Variants in AKAP9 observed in about 807,000 individuals in gnomAD.
AKAP9 encodes A-kinase anchoring protein 9.
Under a neutral mutation model 488.5 loss-of-function variants are expected in AKAP9, and 311 were observed. The ratio of observed to expected loss-of-function variants is 0.64; its 90% CI spans 0.58 to 0.70. The LOEUF is 0.70. Among genes scored for constraint, AKAP9 ranks in the 30% least tolerant of loss-of-function variants. The pLI, the probability that AKAP9 is intolerant of heterozygous loss-of-function variation, is 0.00. For missense variants in AKAP9, 4,215 were observed against 4,374.5 expected (o/e 0.96, Z 1.03); for synonymous variants, 1,462 against 1,483.5 (o/e 0.99, Z 0.33).
In AKAP9 at chr7:92,080,012, G is replaced by C; in HGVS notation, c.7879G>C (p.Glu2627Gln). The C allele has an allele frequency of 6.4e-7, 1 of 1,560,346 alleles. No homozygotes were observed. The highest frequency in any genetic ancestry group is 8.6e-7 in the Non-Finnish European group (1 of 1,162,634). The change falls in exon 31 of 50, where the codon GAA becomes CAA. Residue 2627 changes from glutamate to glutamine, a missense_variant. Coordinates refer to ENST00000356239, the MANE Select transcript of AKAP9 (RefSeq NM_005751.5). The stretch of plus-strand genomic sequence containing the variant: ...GCATACTAGTTTGATTTTAGAAAAA[G>C]AACAAGTAGAAATTGCAGAAAAAAA... ...EMHTSLILEK[E>Q]QVEIAEKNVL...
At chr7:92,040,985 T>G in intron 18 of AKAP9, 87 bp downstream of exon 18, 1 of 1,150,492 alleles carries the variant, frequency 8.7e-7, no homozygotes. Context: ...AAAACAACAG[T>G]ATTTTTTATG....
intron 18 of AKAP9, chr7:92,041,842 A>AGTC: frequency 2.0e-6 from 1 of 496,230 alleles, no homozygotes; most frequent in Non-Finnish European, 3.5e-6. Context: ...AAATTCCTGA[A>AGTC]TATATAGACT....
At position 92,053,585 on chromosome 7, in the gene AKAP9, G is replaced by A. The variant is rs185977839; in HGVS notation, c.5601+627G>A. ...TAGCAGCTGTCTGCTTATGTGACCA[G>A]GTAGTGAAGTATAGTAGGAGTCTGA... On this transcript the variant is annotated intron_variant, in intron 22 of 49. Transcript: ENST00000356239. Among the ~76,000 whole-genome samples the A allele has an allele frequency of 1.3e-3, 193 of 152,272 alleles. 2 individuals are homozygous for A. The South Asian group carries it at 0.031, about 25-fold the overall frequency.
intron 1 of AKAP9, among the ~76,000 whole-genome samples, chr7:91,944,773 A>C (rs1201799201): frequency 6.6e-6 from 1 of 152,260 alleles, no homozygotes; most frequent in Admixed American, 6.5e-5. Context: ...TATCCAGAAC[A>C]GGAAAATGAG....
Position 92,079,117 on chromosome 7 carries a change from A to G in AKAP9, c.6984A>G (p.Glu2328=). The G allele has an allele frequency of 6.2e-7, 1 of 1,612,718 alleles. No individual in the cohort carries two copies. The highest frequency in any genetic ancestry group is 8.5e-7 in the Non-Finnish European group (1 of 1,179,504). The change falls in exon 31 of 50, where the codon GAA becomes GAG. Residue 2328 remains glutamate, a synonymous_variant. Transcript: ENST00000356239. ...EEKNELIRDL[E]TQIECLMSDQ... ...AAAATGAACTGATAAGGGATCTTGA[A>G]ACCCAAATAGAATGTTTGATGAGTG...
rs575866655 is a variant in AKAP9, at chr7:91,945,594, G to A, written c.48+4447G>A. 2.6e-5 allele frequency among the ~76,000 whole-genome samples: 4 copies of A among 152,278 alleles called. No individual in the cohort carries two copies. In the East Asian group the frequency reaches 7.7e-4, roughly 29 times the overall value. ...TTAGTTTTTCTGCTGCTTGTTGGTT[G>A]TTTTGGTTTACTGTTGGGTCCTCAG... On this transcript the variant is annotated intron_variant, in intron 1 of 49. Transcript: ENST00000356239.
chr7:91,954,970 G>A (rs1009366464), intron 1 of AKAP9, among the ~76,000 whole-genome samples: 8 of 152,156 alleles, frequency 5.3e-5, no homozygotes, highest in African/African-American at 1.9e-4. Flanking sequence ...ATGTTTAATA[G>A]GTTGATTATA....
Position 92,045,825 on chromosome 7 carries a change from C to T in AKAP9, c.5368+612C>T, listed in dbSNP as rs540981223. Among the ~76,000 whole-genome samples, 51 of 143,950 alleles carry T rather than the reference C, an allele frequency of 3.5e-4. No individual in the cohort carries two copies. In the East Asian group the frequency reaches 9.5e-3, roughly 27 times the overall value. 94.4% of individuals were successfully genotyped at this position (143,950 alleles called of 152,430 possible). A position where few individuals can be genotyped will look rare whatever the true frequency, so the allele number is the denominator to read the frequency against. On this transcript the variant is annotated intron_variant, in intron 21 of 49. Transcript: ENST00000356239. Reference sequence around the variant, plus strand: ...GCTGTGTGGATTCAGCTCTTCTTTCCGTTTCTTTTTTTTTTTTTTTTTTTT... The same window carrying T: ...GCTGTGTGGATTCAGCTCTTCTTTCTGTTTCTTTTTTTTTTTTTTTTTTTT...
chr7:92,091,838 G>A (rs1815693529), intron 38 of AKAP9, among the ~76,000 whole-genome samples: 1 of 152,060 alleles, frequency 6.6e-6, no homozygotes, highest in South Asian at 2.1e-4. Context: ...AACCTCTAAA[G>A]TTTTTAGAAG....
At chr7:92,036,026 A>G (rs1274702398) in intron 16 of AKAP9, among the ~76,000 whole-genome samples, 1 of 146,430 alleles carries the variant, frequency 6.8e-6, no homozygotes. Context: ...TTTTTTTTTT[A>G]ACTGATTATC....
chr7:91,959,041 C>G (rs182515770), intron 1 of AKAP9, among the ~76,000 whole-genome samples: 1 of 151,940 alleles, frequency 6.6e-6, no homozygotes. Flanking sequence ...TGCACCACCA[C>G]GCCCGGCAAA....
Position 92,079,777 on chromosome 7 carries a change from A to C in AKAP9, c.7644A>C (p.Glu2548Asp). 6.2e-7 allele frequency: 1 copy of C among 1,614,116 alleles called. No homozygotes were observed. Among genetic ancestry groups the C allele is most frequent in the Non-Finnish European group, 8.5e-7 (1 of 1,180,004 alleles). Residue 2548 changes from glutamate to aspartate, a missense_variant, in exon 31 of 50, where the codon GAA (glutamate) becomes GAC (aspartate). By Grantham distance (45) the Glu-to-Asp change is conservative. Around this residue, in one of 5 missense-constraint regions of AKAP9, gnomAD observed 1,476 missense variants for 1,477.4 expected, o/e 1.00. Coordinates refer to ENST00000356239, the MANE Select transcript of AKAP9 (RefSeq NM_005751.5). ...KKIVNLQKIV[E>D]EKVAAALVSQ... is the part of the protein sequence containing the mutation. ...TTGTAAACCTACAGAAAATAGTTGA[A>C]GAAAAAGTGGCTGCTGCTCTTGTCA...
In AKAP9 at chr7:92,014,308, G is replaced by A; in HGVS notation, c.3592G>A (p.Glu1198Lys). The change falls in exon 10 of 50, where the codon GAA becomes AAA. Residue 1198 changes from glutamate to lysine, a missense_variant. By Grantham distance (56) the Glu-to-Lys change is moderately conservative. This residue lies in a region of AKAP9 where 2,361 missense variants were observed against 2,430.0 expected (regional missense o/e 0.97). Coordinates refer to ENST00000356239, the MANE Select transcript of AKAP9 (RefSeq NM_005751.5). ...AAAACTTCAAAAGGCAGTGTCTGAA[G>A]AATGTTCTTATTTTTTACAGGTAAA... ...IGKLQKAVSE[E>K]CSYFLQTLCS... is the part of the protein sequence containing the mutation. 6.2e-7 allele frequency: 1 copy of A among 1,612,656 alleles called. No homozygotes were observed. The highest frequency in any genetic ancestry group is 1.1e-5 in the South Asian group (1 of 90,996).
intron 38 of AKAP9, chr7:92,092,855 C>A: frequency 4.7e-6 from 2 of 423,864 alleles, no homozygotes; most frequent in South Asian, 4.9e-5. Context: ...CCATGTTGCC[C>A]AGGCTGGTCT....
rs1415973375 is a variant in AKAP9, at chr7:92,023,136, T to A, written c.4148+127T>A. Reference sequence around the variant, plus strand: ...GCTGGAAAGAGATAGGATGTAGCATTTTTTAGAAAGAAGAGCAAGAGATCA... The same window carrying A: ...GCTGGAAAGAGATAGGATGTAGCATATTTTAGAAAGAAGAGCAAGAGATCA... On this transcript the variant is annotated intron_variant, in intron 14 of 49. Coordinates refer to ENST00000356239, the MANE Select transcript of AKAP9 (RefSeq NM_005751.5). 3 of 950,198 alleles carry A rather than the reference T, an allele frequency of 3.2e-6. No individual in the cohort carries two copies. In the African/African-American group the frequency reaches 4.9e-5, roughly 15 times the overall value. 58.9% of individuals were successfully genotyped at this position (950,198 alleles called of 1,614,324 possible).
In AKAP9 at chr7:91,940,960, C is replaced by A; in HGVS notation, c.-140C>A. The A allele has an allele frequency of 1.1e-6, 1 of 902,122 alleles. No homozygotes were observed. The highest frequency in any genetic ancestry group is 1.8e-6 in the Non-Finnish European group (1 of 546,232). 55.9% of individuals were successfully genotyped at this position (902,122 alleles called of 1,614,324 possible). A position where few individuals can be genotyped will look rare whatever the true frequency, so the allele number is the denominator to read the frequency against. On this transcript the variant is annotated 5_prime_UTR_variant, in exon 1 of 50. Coordinates refer to ENST00000356239, the MANE Select transcript of AKAP9 (RefSeq NM_005751.5). ...CCAGTGAGCGCGGAGACTGCTTCCA[C>A]TTCGGGCGGGGGAGCGCCGGACCGA...
intron 28 of AKAP9, among the ~76,000 whole-genome samples, chr7:92,073,404 G>A (rs1170886312): frequency 6.6e-6 from 1 of 151,586 alleles, no homozygotes; most frequent in Non-Finnish European, 1.5e-5. Context: ...TACTCGGGAG[G>A]CTGAGGCAGG....
At chr7:92,104,195 T>A (rs1029798769) in intron 46 of AKAP9, among the ~76,000 whole-genome samples, 39 of 144,492 alleles carry the variant, frequency 2.7e-4, no homozygotes, top group South Asian at 6.7e-4. Context: ...TATTTATTTT[T>A]TTTTTTTTTT....
chr7:92,084,640 G>A lies in AKAP9; in HGVS notation c.8647G>A (p.Gly2883Arg), dbSNP rs1814180574. Residue 2883 changes from glycine to arginine, a missense_variant and splice_region_variant, in exon 34 of 50, where the codon GGA becomes AGA. Transcript: ENST00000356239. ...AVIQCLRSKE[G>R]SSIPELAHSD... ...TGTACTTTTTGTTTTCTCTAATTAG[G>A]GATCCTCAATTCCTGAGCTAGCACA... 3 of 1,604,528 alleles carry A rather than the reference G, an allele frequency of 1.9e-6. No individual in the cohort carries two copies. Among genetic ancestry groups the A allele is most frequent in the Admixed American group, 1.7e-5 (1 of 59,898 alleles).
Sources: allele counts gnomAD v4.1 joint callset (sites outside exome capture counted in the v4.1 genomes callset), GRCh38; gene constraint gnomAD v4.1.1; regional missense constraint gnomAD v4.1.1; transcripts MANE v1.5; gene names NCBI Gene and HGNC (gene_info 2026-07-23, HGNC 2026-07-21).